The following PAX3 variants were observed in gnomAD, a reference collection of about 807,000 sequenced individuals.
PAX3 encodes paired box 3, also known as paired box protein Pax-3.
Under a neutral mutation model 51.6 loss-of-function variants are expected in PAX3, and 14 were observed. The ratio of observed to expected loss-of-function variants is 0.27; its 90% CI spans 0.18 to 0.42. PAX3 has a LOEUF of 0.42. Among genes scored for constraint, PAX3 ranks in the 10% least tolerant of loss-of-function variants. The pLI is 1.00. For missense variants in PAX3, 540 were observed against 642.8 expected (o/e 0.84, Z 1.73); for synonymous variants, 280 against 253.4 (o/e 1.11, Z -1.00).
intron 4 of PAX3, among the ~76,000 whole-genome samples, chr2:222,291,271 G>C (rs969833894): frequency 6.6e-6 from 1 of 152,188 alleles, no homozygotes; most frequent in Non-Finnish European, 1.5e-5. Context: ...CGGGCCAGGG[G>C]CTAGGGGGAT....
intron 4 of PAX3, among the ~76,000 whole-genome samples, chr2:222,289,317 A>G (rs1010761204): frequency 1.3e-5 from 2 of 152,174 alleles, no homozygotes; most frequent in African/African-American, 4.8e-5. Flanking sequence ...CAACTTAAAC[A>G]TTTAGTCTCA....
chr2:222,290,094 CACTA>C, intron 4 of PAX3, among the ~76,000 whole-genome samples: 1 of 152,298 alleles, frequency 6.6e-6, no homozygotes, highest in Non-Finnish European at 1.5e-5. Context: ...CCTTCCTGCT[CACTA>C]ACCGGGAAAG....
intron 4 of PAX3, among the ~76,000 whole-genome samples, chr2:222,281,965 C>T (rs187287764): frequency 3.7e-4 from 56 of 152,320 alleles, no homozygotes; most frequent in South Asian, 2.1e-4. Context: ...ATGCATCCTC[C>T]TGCCTTACTG....
chr2:222,258,967 CA>C (rs1693746724), intron 4 of PAX3, among the ~76,000 whole-genome samples: 1 of 152,142 alleles, frequency 6.6e-6, no homozygotes, highest in Non-Finnish European at 1.5e-5. Context: ...ATACAAATCC[CA>C]AACCCTGAAG....
At chr2:222,218,870 A>C (rs1289424075) in intron 7 of PAX3, among the ~76,000 whole-genome samples, 1 of 152,204 alleles carries the variant, frequency 6.6e-6, no homozygotes, top group Non-Finnish European at 1.5e-5. Context: ...TACTGTTACA[A>C]AAAAGGATTT....
chr2:222,242,550 G>T (rs1385224312), intron 4 of PAX3: 2 of 152,122 alleles, frequency 1.3e-5, no homozygotes, highest in Admixed American at 1.3e-4. Flanking sequence ...AACTCAGAGA[G>T]GTTACCCTAA....
At chr2:222,228,547 C>T (rs191501641) in intron 5 of PAX3, among the ~76,000 whole-genome samples, 173 of 152,236 alleles carry the variant, frequency 1.1e-3, no homozygotes, top group African/African-American at 4.0e-3. Flanking sequence ...ACCGAACACT[C>T]CTCAGTTTTC....
intron 4 of PAX3, among the ~76,000 whole-genome samples, chr2:222,240,470 A>G (rs566595309): frequency 6.6e-6 from 1 of 152,338 alleles, no homozygotes; most frequent in African/African-American, 2.4e-5. Flanking sequence ...TGGTCATCGA[A>G]AAGTCCTCCT....
rs990191977 is a variant in PAX3, at chr2:222,296,384, G to A, written c.321+594C>T. Among the ~76,000 whole-genome samples the A allele has an allele frequency of 2.6e-5, 4 of 152,122 alleles. 1 individual carries two copies. Among genetic ancestry groups the A allele is most frequent in the African/African-American group, 9.7e-5 (4 of 41,408 alleles). On this transcript the variant is annotated intron_variant, in intron 2 of 8. Coordinates refer to ENST00000392070, the MANE Select transcript of PAX3 (RefSeq NM_181458.4). ...AATTCCCTCCCACTCAGCCCTAGCT[G>A]GTGTGACTCTTTCTTTTTAAAAACA...
At chr2:222,260,051 A>G (rs569123187) in intron 4 of PAX3, among the ~76,000 whole-genome samples, 1 of 152,220 alleles carries the variant, frequency 6.6e-6, no homozygotes, top group East Asian at 1.9e-4. Context: ...TAAAAAATAA[A>G]ATTTGTAGAG....
chr2:222,292,521 T>C (rs1695080694), intron 4 of PAX3, among the ~76,000 whole-genome samples: 1 of 152,236 alleles, frequency 6.6e-6, no homozygotes, highest in Non-Finnish European at 1.5e-5. Context: ...TCGCCTGTAC[T>C]GCGAGAGAGC....
intron 3 of PAX3, 84 bp downstream of exon 3, chr2:222,295,444 T>G: frequency 2.0e-6 from 3 of 1,482,082 alleles, no homozygotes; most frequent in Non-Finnish European, 2.8e-6. Flanking sequence ...AGATCGATAA[T>G]TGGGGTGATT....
intron 8 of PAX3, 123 bp downstream of exon 8, chr2:222,201,817 CAAAA>C: frequency 1.4e-6 from 2 of 1,448,428 alleles, no homozygotes; most frequent in Non-Finnish European, 9.3e-7. Context: ...GCTGGCTTTG[CAAAA>C]AAAAAAAAAA....
At chr2:222,248,812 T>C (rs1693318583) in intron 4 of PAX3, among the ~76,000 whole-genome samples, 1 of 152,144 alleles carries the variant, frequency 6.6e-6, no homozygotes, top group East Asian at 1.9e-4. Context: ...TTAAGAGAAA[T>C]GTCTTTGTGT....
At position 222,234,351 on chromosome 2, in the gene PAX3, C is replaced by T. The variant is rs188669048; in HGVS notation, c.587-2068G>A. ...TTACTACTAACTTAAAGAAAGAAAACTAGACTTTCTCTAGCTATGGCAATA... is the reference window on the plus strand; with the variant it reads ...TTACTACTAACTTAAAGAAAGAAAATTAGACTTTCTCTAGCTATGGCAATA... On this transcript the variant is annotated intron_variant, in intron 4 of 8. Transcript: ENST00000392070. Among the ~76,000 whole-genome samples, 3 of 152,140 alleles carry T rather than the reference C, an allele frequency of 2.0e-5. No individual in the cohort carries two copies. In the East Asian group the frequency reaches 5.8e-4, roughly 29 times the overall value.
chr2:222,255,917 A>ATTTT (rs57757180), intron 4 of PAX3, among the ~76,000 whole-genome samples: 4,145 of 98,196 alleles, frequency 0.042, 216 homozygotes, highest in South Asian at 0.06. Flanking sequence ...CGCCCAGCTA[A>ATTTT]TTTTTTTTTT....
intron 3 of PAX3, 99 bp from the exon 4 acceptor site, chr2:222,294,400 C>T: frequency 7.4e-7 from 1 of 1,354,390 alleles, no homozygotes; most frequent in Non-Finnish European, 1.0e-6. Context: ...CAGCCAGGGC[C>T]CTAGAGCCGC....
intron 7 of PAX3, among the ~76,000 whole-genome samples, chr2:222,218,980 T>A (rs1286130738): frequency 1.3e-5 from 2 of 152,182 alleles, no homozygotes; most frequent in Non-Finnish European, 2.9e-5. Flanking sequence ...CTCACAGTTA[T>A]CACTGTCTTG....
chr2:222,232,895 T>G (rs1242839698), intron 4 of PAX3: 1 of 153,564 alleles, frequency 6.5e-6, no homozygotes, highest in African/African-American at 2.4e-5. Flanking sequence ...TAAATCAGTA[T>G]CTCATCACCA....
Sources: gnomAD v4.1 joint callset for allele counts (sites outside exome capture counted in the v4.1 genomes callset) on GRCh38, gnomAD v4.1.1 for gene constraint, MANE v1.5 for transcripts, NCBI Gene and HGNC (gene_info 2026-07-23, HGNC 2026-07-21) for gene names.